The following COMTD1 variants were observed in gnomAD, a reference collection of about 807,000 sequenced individuals.
The protein encoded by COMTD1 is catechol O-methyltransferase domain-containing protein 1.
COMTD1 carries 35 observed loss-of-function variants against 33.6 expected under a neutral mutation model. The observed-to-expected ratio is 1.04, with a 90% CI of 0.80 to 1.38. The LOEUF is 1.38. Among genes scored for constraint, COMTD1 ranks in the 40% most tolerant of loss-of-function variants. The pLI, the probability that COMTD1 is intolerant of heterozygous loss-of-function variation, is 0.00. For synonymous variants in COMTD1, 160 were observed against 176.8 expected (o/e 0.91, Z 0.75); for missense variants, 370 against 363.4 (o/e 1.02, Z -0.15).
intron 3 of COMTD1, 36 bp from the exon 4 acceptor site, chr10:75,235,214 G>T (rs1278293209): frequency 3.4e-6 from 5 of 1,463,798 alleles, no homozygotes; most frequent in Non-Finnish European, 3.6e-6. Flanking sequence ...AGCCCAGAGT[G>T]GGGGTCGGCC....
Position 75,235,010 on chromosome 10 carries a change from C to G in COMTD1, c.448-18G>C. 2 of 1,497,404 alleles carry G rather than the reference C, an allele frequency of 1.3e-6. No individual in the cohort carries two copies. Among genetic ancestry groups the G allele is most frequent in the South Asian group, 1.3e-5 (1 of 77,852 alleles). 92.8% of individuals were successfully genotyped at this position (1,497,404 alleles called of 1,614,324 possible). A position where few individuals can be genotyped will look rare whatever the true frequency, so the allele number is the denominator to read the frequency against. Reference sequence around the variant, plus strand: ...GCCTCGGCCTGCGGAGGGAGCGGGTCAGCCGTTGCGCCCCCGCCTGGGGCT... The same window carrying G: ...GCCTCGGCCTGCGGAGGGAGCGGGTGAGCCGTTGCGCCCCCGCCTGGGGCT... On this transcript the variant is annotated intron_variant, in intron 4 of 6. Coordinates refer to ENST00000372538, the MANE Select transcript of COMTD1 (RefSeq NM_144589.4).
chr10:75,234,557 T>TG, intron 6 of COMTD1, 53 bp downstream of exon 6: 1 of 1,515,530 alleles, frequency 6.6e-7, no homozygotes, highest in Non-Finnish European at 8.9e-7. Flanking sequence ...AGGGAAAAGA[T>TG]GGGGACCCGG....
At chr10:75,235,560 C>T in intron 2 of COMTD1, 56 bp downstream of exon 2, 1 of 1,512,852 alleles carries the variant, frequency 6.6e-7, no homozygotes, top group South Asian at 1.3e-5. Flanking sequence ...CACACAGCCA[C>T]GTGGGACCCG....
intron 5 of COMTD1, 53 bp from the exon 6 acceptor site, chr10:75,234,796 T>A: frequency 6.5e-7 from 1 of 1,539,092 alleles, no homozygotes; most frequent in African/African-American, 1.4e-5. Flanking sequence ...CCGGCGGCCC[T>A]GAGGCCCCTC....
At position 75,235,043 on chromosome 10, in the gene COMTD1, T is replaced by G; in HGVS notation, c.447+17A>C. 2.7e-6 allele frequency: 4 copies of G among 1,457,258 alleles called. No individual in the cohort carries two copies. The highest frequency in any genetic ancestry group is 3.6e-6 in the Non-Finnish European group (4 of 1,108,694). 90.3% of individuals were successfully genotyped at this position (1,457,258 alleles called of 1,614,324 possible). Reference sequence around the variant, plus strand: ...GCGCCCCCGCCTGGGGCTGCAGAGCTAGGCGCGGGCGCTCACCTGCCTCCA... The same window carrying G: ...GCGCCCCCGCCTGGGGCTGCAGAGCGAGGCGCGGGCGCTCACCTGCCTCCA... On this transcript the variant is annotated intron_variant, in intron 4 of 6. Transcript: ENST00000372538.
chr10:75,234,373 G>A (rs1031694322), intron 6 of COMTD1, 148 bp from the exon 7 acceptor site: 13 of 1,047,780 alleles, frequency 1.2e-5, no homozygotes, highest in African/African-American at 1.6e-5. Context: ...GGGTCTCGGA[G>A]GGAGGTGTCT....
intron 5 of COMTD1, 52 bp from the exon 6 acceptor site, chr10:75,234,795 C>T (rs1842166203): frequency 6.5e-7 from 1 of 1,539,540 alleles, no homozygotes; most frequent in African/African-American, 1.4e-5. Flanking sequence ...CCCGGCGGCC[C>T]TGAGGCCCCT....
chr10:75,235,818 G>T lies in COMTD1; in HGVS notation c.94+17C>A, dbSNP rs776579282. 2.0e-6 allele frequency: 3 copies of T among 1,477,820 alleles called. No homozygotes were observed. The highest frequency in any genetic ancestry group is 2.4e-5 in the South Asian group (2 of 82,558). 91.5% of individuals were successfully genotyped at this position (1,477,820 alleles called of 1,614,324 possible). ...CTGCGCCCGCCCACCCGCCCGCCGG[G>T]ACCAGGTCCTGCTCACCCAGGAAGA... is the stretch of plus-strand genomic sequence containing the variant. On this transcript the variant is annotated intron_variant, in intron 1 of 6. Coordinates refer to ENST00000372538, the MANE Select transcript of COMTD1 (RefSeq NM_144589.4).
rs1842150664 is a variant in COMTD1, at chr10:75,234,170, C to A, written c.692G>T (p.Cys231Phe). 6.2e-7 allele frequency: 1 copy of A among 1,613,672 alleles called. No homozygotes were observed. Among genetic ancestry groups the A allele is most frequent in the East Asian group, 2.2e-5 (1 of 44,878 alleles). ...QPPKGDVAAECVRNLNERIRR... is the reference protein window; with the variant it reads ...QPPKGDVAAEFVRNLNERIRR... ...GATGCGTTCGTTTAGGTTTCGCACA[C>A]ACTCGGCCGCCACGTCCCCTTTCGG... The change falls in exon 7 of 7, where the codon TGT (cysteine) becomes TTT (phenylalanine). Residue 231 changes from cysteine to phenylalanine, a missense_variant. Coordinates refer to ENST00000372538, the MANE Select transcript of COMTD1 (RefSeq NM_144589.4).
chr10:75,234,817 C>G, intron 5 of COMTD1, 74 bp from the exon 6 acceptor site: 1 of 1,529,200 alleles, frequency 6.5e-7, no homozygotes, highest in African/African-American at 1.4e-5. Flanking sequence ...CCAGGCCGGC[C>G]CGGGCTCTGT....
In COMTD1 at chr10:75,234,750, G is replaced by A; in HGVS notation, c.503-7C>T. On this transcript the variant is annotated splice_region_variant and splice_polypyrimidine_tract_variant and intron_variant, in intron 5 of 6. Transcript: ENST00000372538. ...CCCGCCGCCAGCAGCTCGTCTTGCGGGGGGAGGGAGGGCAGGTGCGGCTGA... is the reference window on the plus strand; with the variant it reads ...CCCGCCGCCAGCAGCTCGTCTTGCGAGGGGAGGGAGGGCAGGTGCGGCTGA... The A allele has an allele frequency of 6.3e-7, 1 of 1,577,652 alleles. No individual in the cohort carries two copies.
Position 75,235,346 on chromosome 10 carries a change from A to G in COMTD1, c.249T>C (p.Asp83=). The stretch of plus-strand genomic sequence containing the variant: ...GGGCCTGCTCGCAGGTCATCATAGA[A>G]TCCCCCTGCGGCTGCTCCAGGGTCA... ...RLLTLEQPQG[D]SMMTCEQAQL... is the part of the protein sequence containing the mutation. Residue 83 remains aspartate, a synonymous_variant, in exon 3 of 7, where the codon GAT becomes GAC. Transcript: ENST00000372538. 6.3e-7 allele frequency: 1 copy of G among 1,587,494 alleles called. No homozygotes were observed. Among genetic ancestry groups the G allele is most frequent in the Non-Finnish European group, 8.5e-7 (1 of 1,170,068 alleles).
At position 75,235,330 on chromosome 10, in the gene COMTD1, C is replaced by T; in HGVS notation, c.265G>A (p.Glu89Lys). 1 of 1,593,916 alleles carries T rather than the reference C, an allele frequency of 6.3e-7. No individual in the cohort carries two copies. The highest frequency in any genetic ancestry group is 8.5e-7 in the Non-Finnish European group (1 of 1,173,060). Residue 89 changes from glutamate (E) to lysine (K), a missense_variant, in exon 3 of 7, where the codon GAG becomes AAG. Glu to Lys is a moderately conservative substitution (Grantham distance 56, BLOSUM62 1). Coordinates refer to ENST00000372538, the MANE Select transcript of COMTD1 (RefSeq NM_144589.4). ...QPQGDSMMTC[E>K]QAQLLANLAR... ...AGGTTGGCCAAGAGCTGGGCCTGCT[C>T]GCAGGTCATCATAGAATCCCCCTGC...
rs778598731 is a variant in COMTD1 at position 75,235,648 on chromosome 10, G to T, written c.190C>A (p.Arg64=). 1.3e-5 allele frequency: 20 copies of T among 1,595,412 alleles called. No individual in the cohort carries two copies. Among genetic ancestry groups the T allele is most frequent in the Admixed American group, 1.0e-4 (6 of 58,190 alleles). ...LWQYLLSRSM[R]EHPALRSLRL... is the part of the protein sequence containing the mutation. ...AGGCTTCGCAGCGCCGGGTGCTCCC[G>T]CATGGAGCGGCTCAGAAGATACTGC... Residue 64 remains arginine, a synonymous_variant, in exon 2 of 7, where the codon CGG becomes AGG. Coordinates refer to ENST00000372538, the MANE Select transcript of COMTD1 (RefSeq NM_144589.4).
At chr10:75,234,432 A>G (rs1842157348) in intron 6 of COMTD1, 178 bp downstream of exon 6, 9 of 1,127,684 alleles carry the variant, frequency 8.0e-6, no homozygotes, top group Non-Finnish European at 1.1e-5. Flanking sequence ...GGAGGTGACC[A>G]GAGCTGGAGA....
Position 75,235,733 on chromosome 10 carries a change from G to A in COMTD1, c.105C>T (p.Cys35=), listed in dbSNP as rs776624892. 55 of 1,601,712 alleles carry A rather than the reference G, an allele frequency of 3.4e-5. No individual in the cohort carries two copies. The highest frequency in any genetic ancestry group is 4.6e-5 in the Non-Finnish European group (54 of 1,175,662). The change falls in exon 2 of 7, where the codon TGC becomes TGT. Residue 35 remains cysteine, a synonymous_variant. Coordinates refer to ENST00000372538, the MANE Select transcript of COMTD1 (RefSeq NM_144589.4). ...GCTCTCGCCGGCCTCGCCATGGGGGGCACCGCCTCCCTGACGGGGAGAGGG... is the reference window on the plus strand; with the variant it reads ...GCTCTCGCCGGCCTCGCCATGGGGGACACCGCCTCCCTGACGGGGAGAGGG... ...FATGLFLGRR[C]PPWRGRREQC... is the part of the protein sequence containing the mutation.
At position 75,235,892 on chromosome 10, in the gene COMTD1, C is replaced by G. The variant is rs1842186887; in HGVS notation, c.37G>C (p.Ala13Pro). 6.7e-7 allele frequency: 1 copy of G among 1,492,268 alleles called. No homozygotes were observed. Among genetic ancestry groups the G allele is most frequent in the Non-Finnish European group, 8.9e-7 (1 of 1,129,416 alleles). The allele number at this position is 1,492,268 out of a possible 1,614,324, so 92.4% of individuals were successfully genotyped here. ...QPVPRLSVPA[A>P]LALGSAALGA... The stretch of plus-strand genomic sequence containing the variant: ...AGTGCGGCTGAGCCCAGGGCCAGCG[C>G]GGCGGGCACGGAGAGCCGGGGCACC... Residue 13 changes from alanine to proline, a missense_variant, in exon 1 of 7, where the codon GCG becomes CCG. Physicochemically the swap from Ala to Pro is conservative, Grantham distance 27. Transcript: ENST00000372538.
At position 75,234,602 on chromosome 10, in the gene COMTD1, T is replaced by A. The variant is rs932859548; in HGVS notation, c.636+8A>T. 1.7e-5 allele frequency: 26 copies of A among 1,554,852 alleles called. No homozygotes were observed. The highest frequency in any genetic ancestry group is 2.2e-5 in the Non-Finnish European group (25 of 1,150,276). ...GTGCTTTCTCCTCCCCCGCAGTGGA[T>A]CCCTTACTCTGAGGACGGCGAGGAT... is the stretch of plus-strand genomic sequence containing the variant. On this transcript the variant is annotated splice_region_variant and intron_variant, in intron 6 of 6. Coordinates refer to ENST00000372538, the MANE Select transcript of COMTD1 (RefSeq NM_144589.4).
chr10:75,235,622 C>G lies in COMTD1; in HGVS notation c.216G>C (p.Leu72=). Residue 72 remains leucine (L), a synonymous_variant, in exon 2 of 7, where the codon CTG becomes CTC. Coordinates refer to ENST00000372538, the MANE Select transcript of COMTD1 (RefSeq NM_144589.4). ...CGTCCCGCGCCCTGCTGACCAGCCT[C>G]AGGCTTCGCAGCGCCGGGTGCTCCC... The part of the protein sequence containing the change: ...SMREHPALRS[L]RLLTLEQPQG... The G allele has an allele frequency of 1.9e-6, 3 of 1,591,198 alleles. No homozygotes were observed. Among genetic ancestry groups the G allele is most frequent in the Non-Finnish European group, 2.6e-6 (3 of 1,171,476 alleles).
Sources: allele counts gnomAD v4.1 joint callset, GRCh38; gene constraint gnomAD v4.1.1; transcripts MANE v1.5; gene names NCBI Gene and HGNC (gene_info 2026-07-23, HGNC 2026-07-21).